EML1: variants seen among roughly 807,000 people sequenced by gnomAD.
The protein encoded by EML1 is echinoderm microtubule-associated protein-like 1.
Under a neutral mutation model 110.4 loss-of-function variants are expected in EML1, and 27 were observed. The ratio of observed to expected loss-of-function variants is 0.24; its 90% CI spans 0.18 to 0.34. The LOEUF (loss-of-function observed/expected upper bound fraction) is 0.34, where lower values mean the gene tolerates loss of function less well. Ranked by LOEUF, EML1 falls within the 10% of genes least tolerant of loss-of-function variation. The pLI, the probability that EML1 is intolerant of heterozygous loss-of-function variation, is 1.00. For synonymous variants in EML1, 344 were observed against 385.8 expected (o/e 0.89, Z 1.27); for missense variants, 741 against 1,030.9 (o/e 0.72, Z 3.85).
At chr14:99,915,084 C>CCTG in intron 15 of EML1, 1 of 236,694 alleles carries the variant, frequency 4.2e-6, no homozygotes. Context: ...TTGAATATAT[C>CCTG]TCTACATTTT....
upstream of EML1, among the ~76,000 whole-genome samples, chr14:99,768,263 G>A (rs111295244): frequency 8.3e-3 from 1,265 of 152,272 alleles, 14 homozygotes; most frequent in African/African-American, 0.029. Context: ...AAATTCTCAA[G>A]GGTGTGCTAT....
rs541872195 is a variant in EML1 at position 99,936,348 on chromosome 14, C to CG, written c.2095+18dup. The CG allele has an allele frequency of 6.2e-7, 1 of 1,610,500 alleles. No individual in the cohort carries two copies. The highest frequency in any genetic ancestry group is 1.3e-5 in the African/African-American group (1 of 74,794). On this transcript the variant is annotated intron_variant, in intron 19 of 21. Coordinates refer to ENST00000262233, the MANE Select transcript of EML1 (RefSeq NM_004434.3). This position sits in a 1 kb window ranked among gnomAD's most constrained non-coding sequence, Gnocchi z 5.5. Reference sequence around the variant, plus strand: ...AAATCCTCTACTGTGAGTACCACCCCGGGGTTGTATGAAGTCTCGATCTCA... The same window carrying CG: ...AAATCCTCTACTGTGAGTACCACCCCGGGGGTTGTATGAAGTCTCGATCTCA...
intron 1 of EML1, among the ~76,000 whole-genome samples, chr14:99,809,248 A>G (rs2058033098): frequency 6.6e-6 from 1 of 152,180 alleles, no homozygotes. Context: ...AACATTTTCA[A>G]TTCCCCTATC....
At chr14:99,913,551 T>C (rs2059981360) in intron 13 of EML1, among the ~76,000 whole-genome samples, 1 of 152,220 alleles carries the variant, frequency 6.6e-6, no homozygotes, top group Middle Eastern at 3.2e-3. Flanking sequence ...AACTAACCAG[T>C]AGCATTCCTT....
chr14:99,788,822 T>C (rs1014926276), upstream of EML1, among the ~76,000 whole-genome samples: 1 of 152,186 alleles, frequency 6.6e-6, no homozygotes, highest in African/African-American at 2.4e-5. Flanking sequence ...TTACTATTCC[T>C]TCCTCTCCCC....
At chr14:99,813,717 A>T (rs868384212) in intron 1 of EML1, among the ~76,000 whole-genome samples, 33 of 151,846 alleles carry the variant, frequency 2.2e-4, no homozygotes, top group Non-Finnish European at 3.4e-4. Context: ...TAAAAAAAAA[A>T]TTTTTTTTTA....
intron 3 of EML1, among the ~76,000 whole-genome samples, chr14:99,871,050 G>A (rs998527921): frequency 5.9e-5 from 9 of 151,908 alleles, no homozygotes; most frequent in Admixed American, 1.3e-4. Flanking sequence ...TCCGCCTCCC[G>A]GGTTCAAGTG....
chr14:99,754,871 C>T (rs771481465), intron 1 of EML1, among the ~76,000 whole-genome samples: 1 of 152,178 alleles, frequency 6.6e-6, no homozygotes, highest in Non-Finnish European at 1.5e-5. Context: ...GGAGCTGTTG[C>T]CTCCCCCGCC....
chr14:99,921,047 G>T (rs562668802), intron 17 of EML1, among the ~76,000 whole-genome samples, 170 bp downstream of exon 17: 34 of 152,270 alleles, frequency 2.2e-4, no homozygotes, highest in African/African-American at 8.2e-4. Context: ...CCCATTAGCT[G>T]TTGTTCCTGA....
chr14:99,742,684 A>G (rs570235007), intron 1 of EML1, among the ~76,000 whole-genome samples: 2 of 152,212 alleles, frequency 1.3e-5, no homozygotes, highest in East Asian at 1.9e-4. Flanking sequence ...TCAGGGCTCA[A>G]CTGTAAAACT....
chr14:99,902,217 T>C (rs1031110944), intron 9 of EML1, among the ~76,000 whole-genome samples: 2 of 152,076 alleles, frequency 1.3e-5, no homozygotes, highest in Non-Finnish European at 2.9e-5. Context: ...TAAAACAAAA[T>C]AAACAAAATT....
chr14:99,741,862 A>G (rs1391098880), intron 1 of EML1, among the ~76,000 whole-genome samples: 2 of 152,098 alleles, frequency 1.3e-5, no homozygotes, highest in Non-Finnish European at 2.9e-5. Flanking sequence ...AGGGTATGAG[A>G]TGCCTGGAGT....
At chr14:99,934,081 G>C (rs2060423209) in intron 17 of EML1, among the ~76,000 whole-genome samples, 1 of 152,162 alleles carries the variant, frequency 6.6e-6, no homozygotes, top group Non-Finnish European at 1.5e-5. Context: ...ATCAACAAGA[G>C]TGAAACTCCG....
At chr14:99,873,377 C>T (rs2059236434) in intron 3 of EML1, among the ~76,000 whole-genome samples, 1 of 152,222 alleles carries the variant, frequency 6.6e-6, no homozygotes, top group Admixed American at 6.5e-5. Context: ...TGTAATTGCA[C>T]TGAAGCCAGT....
At chr14:99,829,627 C>T (rs1404141695) in intron 1 of EML1, among the ~76,000 whole-genome samples, 1 of 152,178 alleles carries the variant, frequency 6.6e-6, no homozygotes, top group Non-Finnish European at 1.5e-5. Flanking sequence ...AGCACCTCCC[C>T]ATCCCTCCCG....
At chr14:99,758,801 G>A (rs771449556) in intron 1 of EML1, among the ~76,000 whole-genome samples, 1 of 152,186 alleles carries the variant, frequency 6.6e-6, no homozygotes, top group East Asian at 1.9e-4. Flanking sequence ...AGGACTTTCT[G>A]TAAAGTGCAT....
chr14:99,914,882 C>G (rs2140064278), intron 15 of EML1, 185 bp downstream of exon 15: 1 of 732,418 alleles, frequency 1.4e-6, no homozygotes, highest in East Asian at 3.2e-5. Flanking sequence ...GCCTCGTGGC[C>G]TCAGCCATGT....
intron 20 of EML1, among the ~76,000 whole-genome samples, chr14:99,938,731 G>C (rs1429516519): frequency 1.3e-5 from 2 of 152,254 alleles, no homozygotes; most frequent in Non-Finnish European, 2.9e-5. Context: ...GCCACAGTGA[G>C]TGACCCCAAG....
Position 99,892,391 on chromosome 14 carries a change from T to C in EML1, c.547+1164T>C, listed in dbSNP as rs372956817. On this transcript the variant is annotated intron_variant, in intron 5 of 21. Transcript: ENST00000262233. ...TGGGCTTTAATAAGTGGCTGTAATT[T>C]GGATCCCAATTGGTATTGGCTGACT... Among the ~76,000 whole-genome samples the C allele has an allele frequency of 1.4e-4, 21 of 152,226 alleles. 1 individual carries two copies. In the East Asian group the frequency reaches 2.1e-3, roughly 15 times the overall value.
Sources: allele counts gnomAD v4.1 joint callset (sites outside exome capture counted in the v4.1 genomes callset), GRCh38; gene constraint gnomAD v4.1.1; non-coding constraint Gnocchi (gnomAD v3.1); transcripts MANE v1.5; gene names NCBI Gene and HGNC (gene_info 2026-07-23, HGNC 2026-07-21).